Variants in DNAL1 observed in about 807,000 individuals in gnomAD.
DNAL1 encodes the protein chromosome 14 open reading frame 168.
In DNAL1, 17 loss-of-function variants were observed where a neutral mutation model predicts 29.4. The observed-to-expected ratio is 0.58, with a 90% CI of 0.40 to 0.87. The LOEUF (loss-of-function observed/expected upper bound fraction) is 0.87. Ranked by LOEUF, DNAL1 falls within the 40% of genes least tolerant of loss-of-function variation. DNAL1 has a pLI of 0.00. For synonymous variants in DNAL1, 78 were observed against 76.3 expected, an observed-to-expected ratio of 1.02 and a Z score of -0.12; for missense variants, 188 against 214.1, an observed-to-expected ratio of 0.88 and a Z score of 0.76.
Position 73,644,987 on chromosome 14 carries a change from C to T in DNAL1, c.-53C>T, listed in dbSNP as rs1890944880. On this transcript the variant is annotated 5_prime_UTR_variant, in exon 1 of 8. Transcript: ENST00000553645. ...GAGAGCGCCGAGAAGTGCGCACGCG[C>T]ACTGACCCCGCGGGCCCTAGCAACC... is the stretch of plus-strand genomic sequence containing the variant. 1.9e-6 allele frequency: 3 copies of T among 1,602,156 alleles called. No homozygotes were observed. The highest frequency in any genetic ancestry group is 1.1e-5 in the South Asian group (1 of 88,746).
intron 2 of DNAL1, 40 bp from the exon 3 acceptor site, chr14:73,658,807 C>A: frequency 2.0e-6 from 3 of 1,487,414 alleles, no homozygotes; most frequent in Non-Finnish European, 9.2e-7. Flanking sequence ...TTCCACATTG[C>A]AATCATGGGT....
rs1163501997 is a variant in DNAL1 at position 73,671,553 on chromosome 14, A to C, written c.220A>C (p.Ile74Leu). 6.7e-7 allele frequency: 1 copy of C among 1,492,442 alleles called. No individual in the cohort carries two copies. Among genetic ancestry groups the C allele is most frequent in the Non-Finnish European group, 9.0e-7 (1 of 1,115,656 alleles). 92.4% of individuals were successfully genotyped at this position (1,492,442 alleles called of 1,614,324 possible). Residue 74 changes from isoleucine to leucine, a missense_variant, in exon 5 of 8, where the codon ATA becomes CTA. Coordinates refer to ENST00000553645, the MANE Select transcript of DNAL1 (RefSeq NM_031427.4). ...TCTTTTCACTACAGAAAACTTGAGG[A>C]TATTATCTTTAGGAAGAAACAACAT... Reference protein sequence around the residue: ...ANLNGLKNLRILSLGRNNIKN... With the variant: ...ANLNGLKNLRLLSLGRNNIKN...
At chr14:73,674,004 A>G (rs1595214593) in intron 5 of DNAL1, among the ~76,000 whole-genome samples, 1 of 151,674 alleles carries the variant, frequency 6.6e-6, no homozygotes, top group Admixed American at 6.6e-5. Flanking sequence ...CATGATTTAA[A>G]TAGCTGTCTC....
chr14:73,666,786 C>T (rs1220865250), intron 4 of DNAL1, among the ~76,000 whole-genome samples: 1 of 152,094 alleles, frequency 6.6e-6, no homozygotes, highest in Non-Finnish European at 1.5e-5. Context: ...GATGAATCAG[C>T]GTATTTTTTG....
rs1175027347 is a variant in DNAL1, at chr14:73,700,976, G to A, written c.*5034G>A. 7 of 152,088 alleles carry A rather than the reference G, an allele frequency of 4.6e-5. No homozygotes were observed. The highest frequency in any genetic ancestry group is 4.6e-4 in the Admixed American group (7 of 15,266). 9.4% of individuals were successfully genotyped at this position (152,088 alleles called of 1,614,324 possible). On this transcript the variant is annotated 3_prime_UTR_variant, in exon 8 of 8. Coordinates refer to ENST00000553645, the MANE Select transcript of DNAL1 (RefSeq NM_031427.4). ...TCAAGGGTCATGTTTTAAAATCATG[G>A]AACTTTTAGAAATACCATATCTGTA...
intron 5 of DNAL1, among the ~76,000 whole-genome samples, chr14:73,675,211 AACAC>A (rs141910596): frequency 6.8e-6 from 1 of 147,244 alleles, no homozygotes; most frequent in African/African-American, 2.5e-5. Context: ...CTCACACACA[AACAC>A]ACACACACAC....
chr14:73,682,313 G>C (rs1016586929), intron 5 of DNAL1, among the ~76,000 whole-genome samples: 8 of 147,292 alleles, frequency 5.4e-5, no homozygotes, highest in African/African-American at 2.0e-4. Context: ...TGGGATCACA[G>C]GTGCTCACCA....
At chr14:73,656,163 A>T (rs750326863) in intron 2 of DNAL1, among the ~76,000 whole-genome samples, 19 of 152,182 alleles carry the variant, frequency 1.2e-4, no homozygotes, top group Non-Finnish European at 2.4e-4. Flanking sequence ...AATAGACAAA[A>T]GTCGATAAAA....
At chr14:73,654,257 AT>A (rs1020817086) in intron 1 of DNAL1, among the ~76,000 whole-genome samples, 1 of 152,196 alleles carries the variant, frequency 6.6e-6, no homozygotes, top group Non-Finnish European at 1.5e-5. Context: ...AAAGCTACAT[AT>A]TTTTTGTAAA....
rs961806134 is a variant in DNAL1, at chr14:73,700,731, A to C, written c.*4789A>C. ...TAAAGGAAGAAAACTGCTAAATTGC[A>C]TGTTACCCTTTACTAGAAATTCATT... On this transcript the variant is annotated 3_prime_UTR_variant, in exon 8 of 8. Coordinates refer to ENST00000553645, the MANE Select transcript of DNAL1 (RefSeq NM_031427.4). 2.0e-5 allele frequency: 3 copies of C among 152,244 alleles called. No individual in the cohort carries two copies. The highest frequency in any genetic ancestry group is 4.8e-5 in the African/African-American group (2 of 41,458). 9.4% of individuals were successfully genotyped at this position (152,244 alleles called of 1,614,324 possible).
At chr14:73,658,081 A>G (rs796220301) in intron 2 of DNAL1, among the ~76,000 whole-genome samples, 14 of 152,274 alleles carry the variant, frequency 9.2e-5, no homozygotes, top group African/African-American at 3.4e-4. Flanking sequence ...ATTTTTGCAT[A>G]TGGTGAGAGA....
rs114293387 is a variant in DNAL1, at chr14:73,666,734, A to G, written c.208+4692A>G. On this transcript the variant is annotated intron_variant, in intron 4 of 7. Transcript: ENST00000553645. ...TTAGAAAAAGTTGCATATATTTGTT[A>G]TCTCCAATTGCTGAGGTCATTTCTC... Among the ~76,000 whole-genome samples, 454 of 152,252 alleles carry G rather than the reference A, an allele frequency of 3.0e-3. 2 individuals are homozygous for G. The highest frequency in any genetic ancestry group is 0.011 in the African/African-American group (440 of 41,550).
In DNAL1 at chr14:73,695,239, G is replaced by A. The variant is rs568924503; in HGVS notation, c.533-663G>A. On this transcript the variant is annotated intron_variant, in intron 7 of 7. Coordinates refer to ENST00000553645, the MANE Select transcript of DNAL1 (RefSeq NM_031427.4). The stretch of plus-strand genomic sequence containing the variant: ...GCCTGGCTAATTTTTTTTATTTTTT[G>A]TAGAGATGGGGTCTTGCTATGTTGC... Among the ~76,000 whole-genome samples the A allele has an allele frequency of 6.0e-5, 9 of 150,114 alleles. No individual in the cohort carries two copies. The East Asian group carries it at 1.8e-3, about 30-fold the overall frequency.
Position 73,698,678 on chromosome 14 carries a change from A to C in DNAL1, c.*2736A>C, listed in dbSNP as rs188175429. The C allele has an allele frequency of 6.6e-6, 1 of 152,116 alleles. No homozygotes were observed. Among genetic ancestry groups the C allele is most frequent in the Non-Finnish European group, 1.5e-5 (1 of 68,040 alleles). The allele number at this position is 152,116 out of a possible 1,614,324, so 9.4% of individuals were successfully genotyped here. On this transcript the variant is annotated 3_prime_UTR_variant, in exon 8 of 8. Transcript: ENST00000553645. ...AGGCTTGTCTTGAACTCCTAACTTCAGATGACCTGCCCACATCGGCCTCCC... is the reference window on the plus strand; with the variant it reads ...AGGCTTGTCTTGAACTCCTAACTTCCGATGACCTGCCCACATCGGCCTCCC...
At chr14:73,680,395 A>G (rs1368494644) in intron 5 of DNAL1, among the ~76,000 whole-genome samples, 3 of 152,226 alleles carry the variant, frequency 2.0e-5, no homozygotes, top group Non-Finnish European at 4.4e-5. Flanking sequence ...TAGCTTTATA[A>G]TAATGAATCT....
chr14:73,668,255 T>C (rs1891535058), intron 4 of DNAL1, among the ~76,000 whole-genome samples: 1 of 152,218 alleles, frequency 6.6e-6, no homozygotes, highest in South Asian at 2.1e-4. Flanking sequence ...CTGCCAAATG[T>C]TAGCTCCTTG....
At chr14:73,695,048 CTT>C (rs71112798) in intron 7 of DNAL1, among the ~76,000 whole-genome samples, 7,956 of 59,956 alleles carry the variant, frequency 0.13, 107 homozygotes, top group African/African-American at 0.22. Flanking sequence ...TACTTGTTGG[CTT>C]TTTTTTTTTT....
rs1259726156 is a variant in DNAL1 at position 73,647,344 on chromosome 14, G to A, written c.3+2302G>A. Among the ~76,000 whole-genome samples, 6 of 131,200 alleles carry A rather than the reference G, an allele frequency of 4.6e-5. No homozygotes were observed. In the South Asian group the frequency reaches 1.1e-3, roughly 25 times the overall value. 86.1% of individuals were successfully genotyped at this position (131,200 alleles called of 152,430 possible). A position where few individuals can be genotyped will look rare whatever the true frequency, so the allele number is the denominator to read the frequency against. On this transcript the variant is annotated intron_variant, in intron 1 of 7. Transcript: ENST00000553645. ...TGAGCCACTGCACTCCAGCCTGGGC[G>A]ACAGAGCAAGACTCTGTCTCAAAAA...
At chr14:73,672,727 G>C (rs1039179622) in intron 5 of DNAL1, among the ~76,000 whole-genome samples, 6 of 151,200 alleles carry the variant, frequency 4.0e-5, no homozygotes, top group African/African-American at 1.5e-4. Context: ...TGGATATGGT[G>C]AGTAAAATTC....
Sources: gnomAD v4.1 joint callset for allele counts (sites outside exome capture counted in the v4.1 genomes callset) on GRCh38, gnomAD v4.1.1 for gene constraint, MANE v1.5 for transcripts, NCBI Gene and HGNC (gene_info 2026-07-23, HGNC 2026-07-21) for gene names.